Variants in PCDHA10 observed in about 807,000 individuals in gnomAD.
The protein encoded by PCDHA10 is protocadherin alpha 10, also known as protocadherin alpha-10.
PCDHA10 carries 45 observed loss-of-function variants against 61.2 expected under a neutral mutation model. The ratio of observed to expected loss-of-function variants is 0.74; its 90% confidence interval spans 0.58 to 0.94. PCDHA10 has a LOEUF of 0.94. Among genes scored for constraint, PCDHA10 ranks in the 40% least tolerant of loss-of-function variants. The pLI is 0.00. For synonymous variants in PCDHA10, 602 were observed against 548.8 expected, an observed-to-expected ratio of 1.10 and a Z score of -1.35; for missense variants, 1,278 against 1,236.2, an observed-to-expected ratio of 1.03 and a Z score of -0.51.
At chr5:140,996,591 T>TC (rs201351256) in intron 3 of PCDHA10, among the ~76,000 whole-genome samples, 1,577 of 152,202 alleles carry the variant, frequency 0.01, 12 homozygotes, top group Middle Eastern at 0.058. Flanking sequence ...AAGGGCCGCC[T>TC]CCCCCCATTT....
At chr5:140,905,144 A>G (rs2071622994) in intron 1 of PCDHA10, among the ~76,000 whole-genome samples, 2 of 152,130 alleles carry the variant, frequency 1.3e-5, no homozygotes, top group African/African-American at 2.4e-5. Context: ...TTCTGCTGTT[A>G]TATTTTAGAA....
At chr5:140,872,306 G>A (rs897321353) in intron 1 of PCDHA10, among the ~76,000 whole-genome samples, 4 of 151,928 alleles carry the variant, frequency 2.6e-5, no homozygotes, top group African/African-American at 9.7e-5. Context: ...CTTATATGCT[G>A]CTTTATGGAA....
intron 3 of PCDHA10, among the ~76,000 whole-genome samples, chr5:140,987,959 C>T (rs1222591572): frequency 1.3e-5 from 2 of 152,132 alleles, no homozygotes; most frequent in South Asian, 2.1e-4. Context: ...AAACCAACTC[C>T]CCATGGAAAG....
chr5:140,985,929 CG>C (rs2097179106), intron 3 of PCDHA10, among the ~76,000 whole-genome samples: 1 of 151,796 alleles, frequency 6.6e-6, no homozygotes, highest in Non-Finnish European at 1.5e-5. Flanking sequence ...TTAGTAGAGC[CG>C]GGGTTTCACT....
At chr5:140,958,700 C>G (rs2095439212) in intron 1 of PCDHA10, among the ~76,000 whole-genome samples, 1 of 152,086 alleles carries the variant, frequency 6.6e-6, no homozygotes, top group Non-Finnish European at 1.5e-5. Context: ...CCTAGAGTGA[C>G]AACTCTGTTA....
At chr5:140,925,955 G>T (rs1350124934) in intron 1 of PCDHA10, among the ~76,000 whole-genome samples, 1 of 152,076 alleles carries the variant, frequency 6.6e-6, no homozygotes. Context: ...AGGAGAAACT[G>T]CTATCACGCA....
At chr5:140,862,583 A>C in intron 1 of PCDHA10, 1 of 494,044 alleles carries the variant, frequency 2.0e-6, no homozygotes, top group South Asian at 1.6e-5. Flanking sequence ...GCGTTCCAGC[A>C]GCCCGAGTAC....
chr5:140,940,635 TC>T (rs2092658903), intron 1 of PCDHA10, among the ~76,000 whole-genome samples: 1 of 152,214 alleles, frequency 6.6e-6, no homozygotes, highest in African/African-American at 2.4e-5. Context: ...CTTAAGCTTG[TC>T]ATTTATTTAT....
chr5:140,932,016 G>A lies in PCDHA10; in HGVS notation c.2389-46933G>A, dbSNP rs73266047. Among the ~76,000 whole-genome samples, 510 of 151,544 alleles carry A rather than the reference G, an allele frequency of 3.4e-3. 2 individuals carry two copies. Among genetic ancestry groups the A allele is most frequent in the African/African-American group, 0.012 (481 of 41,364 alleles). ...TCTAAGTTCTTTCATTTTAGTTTAC[G>A]GTAAGTTTACAGTATATATTAACAT... On this transcript the variant is annotated intron_variant, in intron 1 of 3. Transcript: ENST00000307360.
At chr5:140,981,584 A>G (rs556917015) in intron 2 of PCDHA10, among the ~76,000 whole-genome samples, 1 of 152,258 alleles carries the variant, frequency 6.6e-6, no homozygotes, top group Non-Finnish European at 1.5e-5. Context: ...AAAAATAAAT[A>G]AAATAAAACA....
At chr5:140,952,161 G>A (rs1002170545) in intron 1 of PCDHA10, among the ~76,000 whole-genome samples, 1 of 152,046 alleles carries the variant, frequency 6.6e-6, no homozygotes, top group Non-Finnish European at 1.5e-5. Flanking sequence ...GCTTTGTGGG[G>A]TTCAGTTCCT....
At position 140,897,620 on chromosome 5, in the gene PCDHA10, A is replaced by G. The variant is rs1317464980; in HGVS notation, c.2388+39184A>G. On this transcript the variant is annotated intron_variant, in intron 1 of 3. Coordinates refer to ENST00000307360, the MANE Select transcript of PCDHA10 (RefSeq NM_018901.4). Reference sequence around the variant, plus strand: ...ACATTTGGGTTGGTTCCAAGTCTTTACTATTGTGTATAGTGCCACAATAAA... The same window carrying G: ...ACATTTGGGTTGGTTCCAAGTCTTTGCTATTGTGTATAGTGCCACAATAAA... Among the ~76,000 whole-genome samples, 1,214 of 152,126 alleles carry G rather than the reference A, an allele frequency of 8.0e-3. 6 individuals are homozygous for G. The highest frequency in any genetic ancestry group is 0.019 in the African/African-American group (783 of 41,492).
chr5:140,858,449 G>A lies in PCDHA10; in HGVS notation c.2388+13G>A. On this transcript the variant is annotated intron_variant, in intron 1 of 3. Coordinates refer to ENST00000307360, the MANE Select transcript of PCDHA10 (RefSeq NM_018901.4). ...CCACTCTAGGAAGGTGGGTTATTACGTTTTCATTTTCCTTTTGTGCTTTAT... is the reference window on the plus strand; with the variant it reads ...CCACTCTAGGAAGGTGGGTTATTACATTTTCATTTTCCTTTTGTGCTTTAT... The A allele has an allele frequency of 2.0e-6, 3 of 1,532,030 alleles. No individual in the cohort carries two copies. Among genetic ancestry groups the A allele is most frequent in the African/African-American group, 2.8e-5 (2 of 72,682 alleles). The allele number at this position is 1,532,030 out of a possible 1,614,324, so 94.9% of individuals were successfully genotyped here. A position where few individuals can be genotyped will look rare whatever the true frequency, so the allele number is the denominator to read the frequency against.
At chr5:140,961,690 C>T (rs573918307) in intron 1 of PCDHA10, among the ~76,000 whole-genome samples, 2 of 152,154 alleles carry the variant, frequency 1.3e-5, no homozygotes, top group African/African-American at 4.8e-5. Context: ...CGGAGTAGTC[C>T]TTAGTATGAA....
At chr5:140,870,711 G>T (rs781786878) in intron 1 of PCDHA10, 1 of 1,613,108 alleles carries the variant, frequency 6.2e-7, no homozygotes, top group Non-Finnish European at 8.5e-7. Flanking sequence ...AGGTGAGCGC[G>T]CGCGATGCGG....
chr5:140,926,929 G>T, intron 1 of PCDHA10: 2 of 1,575,722 alleles, frequency 1.3e-6, no homozygotes, highest in South Asian at 2.3e-5. Flanking sequence ...ATGTTTGTGG[G>T]TTTCCTGCGG....
chr5:140,981,888 G>A (rs1554243508), intron 2 of PCDHA10, among the ~76,000 whole-genome samples: 1 of 152,140 alleles, frequency 6.6e-6, no homozygotes, highest in Non-Finnish European at 1.5e-5. Flanking sequence ...AATCTCTTCT[G>A]AGCGGGGATC....
chr5:140,988,299 G>A (rs2097291981), intron 3 of PCDHA10, among the ~76,000 whole-genome samples: 2 of 152,218 alleles, frequency 1.3e-5, no homozygotes, highest in Non-Finnish European at 2.9e-5. Context: ...GCCCAGGAGT[G>A]CCAGCTTGGC....
At chr5:140,926,707 C>A in intron 1 of PCDHA10, 5 of 886,092 alleles carry the variant, frequency 5.6e-6, no homozygotes, top group Non-Finnish European at 7.9e-6. Context: ...TCCCAGCTGG[C>A]CAGCCCCGGC....
Sources: gnomAD v4.1 joint callset for allele counts (sites outside exome capture counted in the v4.1 genomes callset) on GRCh38, gnomAD v4.1.1 for gene constraint, MANE v1.5 for transcripts, NCBI Gene and HGNC (gene_info 2026-07-23, HGNC 2026-07-21) for gene names.